Variants in PAPOLG observed in about 807,000 individuals in gnomAD.
PAPOLG encodes PAP-gamma.
A neutral mutation model predicts 99.0 loss-of-function variants in PAPOLG; 40 were observed. That is an observed-to-expected ratio of 0.40 (90% CI 0.31 to 0.53). The LOEUF is 0.53. Among genes scored for constraint, PAPOLG ranks in the 20% least tolerant of loss-of-function variants. The probability of loss-of-function intolerance (pLI) is 0.41; values close to 1 mark genes in which losing one functional copy is unlikely to be tolerated. For synonymous variants in PAPOLG, 310 were observed against 299.3 expected, an observed-to-expected ratio of 1.04 and a Z score of -0.37; for missense variants, 675 against 884.1, an observed-to-expected ratio of 0.76 and a Z score of 3.00.
chr2:60,789,432 G>A (rs896745457), intron 15 of PAPOLG, among the ~76,000 whole-genome samples: 3 of 151,740 alleles, frequency 2.0e-5, no homozygotes, highest in Admixed American at 6.6e-5. Context: ...ACAGGATTTC[G>A]CCATGTTGCC....
At position 60,760,152 on chromosome 2, in the gene PAPOLG, C is replaced by T. The variant is rs1670480488; in HGVS notation, c.36C>T (p.Ser12=). The change falls in exon 2 of 22, where the codon AGC becomes AGT. Residue 12 remains serine, a synonymous_variant. Transcript: ENST00000238714. ...KEMSANTVLD[S]QRQQKHYGIT... ...TGAACAGAAACACCGTGCTGGACAG[C>T]CAGCGTCAACAAAAGCATTATGGAA... The T allele has an allele frequency of 6.2e-7, 1 of 1,613,806 alleles. No individual in the cohort carries two copies. Among genetic ancestry groups the T allele is most frequent in the African/African-American group, 1.3e-5 (1 of 74,894 alleles).
intron 15 of PAPOLG, among the ~76,000 whole-genome samples, chr2:60,788,720 G>C (rs757154121): frequency 6.6e-6 from 1 of 152,108 alleles, no homozygotes; most frequent in Non-Finnish European, 1.5e-5. Flanking sequence ...TGCCAGGCAC[G>C]GTGGCTCACA....
At chr2:60,785,690 ATTTTTTT>A (rs774614184) in intron 13 of PAPOLG, among the ~76,000 whole-genome samples, 2 of 136,442 alleles carry the variant, frequency 1.5e-5, no homozygotes, top group Non-Finnish European at 3.1e-5. Context: ...TACCTGGCTG[ATTTTTTT>A]TTTTTTTTTT....
At chr2:60,770,575 G>A in intron 6 of PAPOLG, 64 bp downstream of exon 6, 1 of 1,070,152 alleles carries the variant, frequency 9.3e-7, no homozygotes, top group Non-Finnish European at 1.3e-6. Flanking sequence ...TTTGTTTTCT[G>A]AAATCAGGCT....
intron 1 of PAPOLG, among the ~76,000 whole-genome samples, chr2:60,757,425 C>T (rs766251476): frequency 1.3e-5 from 2 of 151,800 alleles, no homozygotes; most frequent in Admixed American, 6.6e-5. Context: ...CTTTTTTTTC[C>T]GCCCTCGAAT....
intron 19 of PAPOLG, 42 bp from the exon 20 acceptor site, chr2:60,794,668 G>A: frequency 6.6e-7 from 1 of 1,526,376 alleles, no homozygotes; most frequent in South Asian, 1.1e-5. Context: ...ATGGGTTTTT[G>A]TAGGTACATA....
At chr2:60,780,590 T>C (rs1671158247) in intron 9 of PAPOLG, 117 bp from the exon 10 acceptor site, 1 of 1,101,754 alleles carries the variant, frequency 9.1e-7, no homozygotes, top group Non-Finnish European at 1.3e-6. Context: ...TTTCCTTTAA[T>C]ACCAAATACC....
chr2:60,791,954 A>G lies in PAPOLG; in HGVS notation c.1518+72A>G, dbSNP rs543470648. ...TGATCTGGGACCAAATTTGCATTCT[A>G]CAGCTCCCAAACCTATTGAGAAAAA... On this transcript the variant is annotated intron_variant, in intron 16 of 21. Transcript: ENST00000238714. 1.5e-4 allele frequency: 236 copies of G among 1,539,884 alleles called. 4 individuals carry two copies. The East Asian group carries it at 3.3e-3, about 22-fold the overall frequency.
chr2:60,780,385 C>T (rs1346754704), intron 9 of PAPOLG, among the ~76,000 whole-genome samples: 1 of 151,582 alleles, frequency 6.6e-6, no homozygotes, highest in Non-Finnish European at 1.5e-5. Context: ...AAGTGATCCT[C>T]TCACCTCAGC....
intron 18 of PAPOLG, 85 bp from the exon 19 acceptor site, chr2:60,793,886 G>A (rs1376497082): frequency 2.1e-6 from 3 of 1,459,880 alleles, no homozygotes; most frequent in East Asian, 2.4e-5. Context: ...ACTGCAGCCT[G>A]GGTGATGGGA....
intron 15 of PAPOLG, among the ~76,000 whole-genome samples, chr2:60,790,293 G>T (rs1003990637): frequency 6.6e-6 from 1 of 152,034 alleles, no homozygotes; most frequent in Non-Finnish European, 1.5e-5. Flanking sequence ...ATAAGACTGG[G>T]ACATAGTTTA....
At chr2:60,768,373 A>C (rs1464944453) in intron 3 of PAPOLG, 97 bp from the exon 4 acceptor site, 1 of 1,274,874 alleles carries the variant, frequency 7.8e-7, no homozygotes, top group Non-Finnish European at 1.1e-6. Context: ...TAGTGCTGGG[A>C]TTACAAGTGT....
chr2:60,791,746 T>C lies in PAPOLG; in HGVS notation c.1397-15T>C. 5 of 1,582,636 alleles carry C rather than the reference T, an allele frequency of 3.2e-6. No homozygotes were observed. Among genetic ancestry groups the C allele is most frequent in the South Asian group, 1.2e-5 (1 of 85,270 alleles). ...AGAAAGAAGTTTCCCATTTAACATA[T>C]TAACATTGTTACAGTGTACAGACAG... is the stretch of plus-strand genomic sequence containing the variant. On this transcript the variant is annotated splice_polypyrimidine_tract_variant and intron_variant, in intron 15 of 21. Transcript: ENST00000238714.
At chr2:60,780,831 T>C (rs1381575555) in intron 10 of PAPOLG, 52 bp downstream of exon 10, 2 of 1,396,974 alleles carry the variant, frequency 1.4e-6, no homozygotes, top group Non-Finnish European at 2.0e-6. Context: ...AGAGGACATT[T>C]CACTAAATTA....
At chr2:60,780,190 T>TA (rs1671146053) in intron 9 of PAPOLG, among the ~76,000 whole-genome samples, 1 of 152,024 alleles carries the variant, frequency 6.6e-6, no homozygotes, top group African/African-American at 2.4e-5. Context: ...GTAAATTAGT[T>TA]ACAGTTAATG....
intron 15 of PAPOLG, among the ~76,000 whole-genome samples, chr2:60,788,943 G>A (rs1053201188): frequency 4.6e-5 from 7 of 152,114 alleles, no homozygotes; most frequent in South Asian, 2.1e-4. Context: ...GCAGTGAGCC[G>A]AGATTGCGCC....
In PAPOLG at chr2:60,794,762, A is replaced by G. The variant is rs776205433; in HGVS notation, c.2042A>G (p.Lys681Arg). 2 of 1,607,916 alleles carry G rather than the reference A, an allele frequency of 1.2e-6. No individual in the cohort carries two copies. Among genetic ancestry groups the G allele is most frequent in the Admixed American group, 3.3e-5 (2 of 59,972 alleles). Residue 681 changes from lysine (K) to arginine (R), a missense_variant, in exon 20 of 22, where the codon AAA (lysine) becomes AGA (arginine). Lys to Arg is a conservative substitution (Grantham distance 26). Transcript: ENST00000238714. ...GACCCCCGCACTGCTGAAGAAAGAA[A>G]AAGAAAATCAGTGGTAAATATATTA... ...FKDPRTAEERKRKSVDAIGGE... is the reference protein window; with the variant it reads ...FKDPRTAEERRRKSVDAIGGE...
At position 60,794,056 on chromosome 2, in the gene PAPOLG, CACA is replaced by C. The variant is rs759193758; in HGVS notation, c.1858_1860del (p.Thr620del). 3.7e-6 allele frequency: 6 copies of C among 1,614,084 alleles called. No individual in the cohort carries two copies. The highest frequency in any genetic ancestry group is 3.3e-5 in the Admixed American group (2 of 60,014). ...TAGGACGAAATGTCATTCCTAGAAT[CACA>C]ACACCTCACAACCCTGCCCAGGGAC... On this transcript the variant is annotated inframe_deletion, in exon 19 of 22. Coordinates refer to ENST00000238714, the MANE Select transcript of PAPOLG (RefSeq NM_022894.4).
At chr2:60,784,427 T>C (rs950072503) in intron 13 of PAPOLG, among the ~76,000 whole-genome samples, 5 of 152,218 alleles carry the variant, frequency 3.3e-5, no homozygotes, top group Non-Finnish European at 7.3e-5. Context: ...AGTAGTGTGT[T>C]CTTTCTAGTG....
Sources: allele counts gnomAD v4.1 joint callset (sites outside exome capture counted in the v4.1 genomes callset), GRCh38; gene constraint gnomAD v4.1.1; transcripts MANE v1.5; gene names NCBI Gene and HGNC (gene_info 2026-07-23, HGNC 2026-07-21).